The following KIFC3 variants were observed in gnomAD, a reference collection of about 807,000 sequenced individuals.
The protein encoded by KIFC3 is kinesin family member C3, also known as kinesin-like protein KIFC3.
Under a neutral mutation model 101.8 loss-of-function variants are expected in KIFC3, and 60 were observed. That is an observed-to-expected ratio of 0.59 (90% confidence interval 0.48 to 0.73). The LOEUF (loss-of-function observed/expected upper bound fraction) is 0.73, where lower values mean the gene tolerates loss of function less well. Among genes scored for constraint, KIFC3 ranks in the 30% least tolerant of loss-of-function variants. The probability of loss-of-function intolerance (pLI) is 0.00; values close to 1 mark genes in which losing one functional copy is unlikely to be tolerated. For missense variants in KIFC3, 966 were observed against 1,137.1 expected (o/e 0.85, Z 2.16); for synonymous variants, 476 against 482.7 (o/e 0.99, Z 0.18).
chr16:57,765,757 C>G, intron 10 of KIFC3, 117 bp from the exon 11 acceptor site: 1 of 941,182 alleles, frequency 1.1e-6, no homozygotes, highest in Admixed American at 2.7e-5. Context: ...CTTTTAAGCA[C>G]AGCCCCCTAG....
At chr16:57,761,281 G>A in intron 14 of KIFC3, 110 bp from the exon 15 acceptor site, 1 of 1,578,930 alleles carries the variant, frequency 6.3e-7, no homozygotes, top group Non-Finnish European at 8.6e-7. Flanking sequence ...GTTTAGATGA[G>A]GAAACTGAGG....
intron 3 of KIFC3, among the ~76,000 whole-genome samples, chr16:57,777,896 TA>T (rs1555612606): frequency 1.3e-5 from 2 of 152,330 alleles, no homozygotes; most frequent in Non-Finnish European, 2.9e-5. Flanking sequence ...TGGGAAAGGA[TA>T]ATCTTTTCAA....
chr16:57,798,471 G>A (rs74022053), intron 1 of KIFC3, 189 bp from the exon 2 acceptor site: 3 of 609,790 alleles, frequency 4.9e-6, no homozygotes, highest in South Asian at 1.9e-5. Context: ...CTGCCTTTTG[G>A]GGGTATTTGT....
At chr16:57,762,319 C>T (rs563639464) in intron 12 of KIFC3, 49 bp from the exon 13 acceptor site, 50 of 1,463,820 alleles carry the variant, frequency 3.4e-5, no homozygotes, top group African/African-American at 5.6e-5. Context: ...TCCCCAAAGA[C>T]GCTCGTGTGG....
At chr16:57,849,799 A>T (rs1485660760) in intron 1 of KIFC3, among the ~76,000 whole-genome samples, 3 of 152,174 alleles carry the variant, frequency 2.0e-5, no homozygotes, top group Non-Finnish European at 4.4e-5. Context: ...GCTACTTGGG[A>T]GGCTGAGGCA....
At chr16:57,805,712 G>A (rs1057299352), upstream of KIFC3, among the ~76,000 whole-genome samples, 3 of 134,094 alleles carry the variant, frequency 2.2e-5, no homozygotes, top group Non-Finnish European at 4.6e-5. Context: ...GTCTCACTCT[G>A]TTGCCCAGGC....
chr16:57,859,722 A>C (rs1379361421), intron 1 of KIFC3, among the ~76,000 whole-genome samples: 2 of 152,106 alleles, frequency 1.3e-5, no homozygotes, highest in African/African-American at 4.8e-5. Flanking sequence ...ATTCCCCACA[A>C]ACATTTAAAA....
At chr16:57,789,200 G>A (rs1012220236) in intron 3 of KIFC3, among the ~76,000 whole-genome samples, 1 of 152,254 alleles carries the variant, frequency 6.6e-6, no homozygotes, top group Non-Finnish European at 1.5e-5. Context: ...AGGCTGCGCA[G>A]GAGTCCGTCC....
At chr16:57,862,751 G>C (rs757948128) in exon 1 of KIFC3, 2 of 1,289,050 alleles carry the variant, frequency 1.6e-6, no homozygotes, top group African/African-American at 1.5e-5. Context: ...CGGGACACCA[G>C]CCTCCAATCT....
At chr16:57,843,904 T>C (rs2055861701) in intron 1 of KIFC3, among the ~76,000 whole-genome samples, 1 of 151,590 alleles carries the variant, frequency 6.6e-6, no homozygotes, top group African/African-American at 2.4e-5. Context: ...GGTCAGGAGT[T>C]CCAGACCAGC....
At chr16:57,797,451 G>A (rs559324709) in intron 2 of KIFC3, among the ~76,000 whole-genome samples, 106 of 152,298 alleles carry the variant, frequency 7.0e-4, no homozygotes, top group African/African-American at 2.1e-3. Flanking sequence ...TCGCAGCACC[G>A]GGGGACATGA....
chr16:57,814,666 C>T (rs1237836875), intron 1 of KIFC3, among the ~76,000 whole-genome samples: 1 of 151,978 alleles, frequency 6.6e-6, no homozygotes, highest in African/African-American at 2.4e-5. Context: ...TGCTCTGTCA[C>T]CCAGGCTGGA....
At chr16:57,861,543 G>GTATT (rs1959271295) in intron 1 of KIFC3, among the ~76,000 whole-genome samples, 1 of 152,228 alleles carries the variant, frequency 6.6e-6, no homozygotes, top group Non-Finnish European at 1.5e-5. Flanking sequence ...TCCCAAGGAT[G>GTATT]TATTGCAGGT....
chr16:57,837,906 G>T (rs1481169764), intron 1 of KIFC3, among the ~76,000 whole-genome samples: 4 of 152,158 alleles, frequency 2.6e-5, no homozygotes, highest in Non-Finnish European at 4.4e-5. Context: ...TGAGGCTCAA[G>T]TGGAGGGCCA....
Position 57,761,198 on chromosome 16 carries a change from C to G in KIFC3, c.1873-27G>C, listed in dbSNP as rs868978018. Reference sequence around the variant, plus strand: ...TGGGGGATTGGGAGGAGGGCAGAGGCACAGCGTTGAGAATGGGGTCCTCAG... The same window carrying G: ...TGGGGGATTGGGAGGAGGGCAGAGGGACAGCGTTGAGAATGGGGTCCTCAG... On this transcript the variant is annotated intron_variant, in intron 14 of 19. Coordinates refer to ENST00000445690, the MANE Select transcript of KIFC3 (RefSeq NM_001130100.2). 3.1e-6 allele frequency: 5 copies of G among 1,611,626 alleles called. No individual in the cohort carries two copies. In the African/African-American group the frequency reaches 5.3e-5, roughly 17 times the overall value.
chr16:57,783,481 T>C lies in KIFC3; in HGVS notation c.316-11193A>G, dbSNP rs201363060. On this transcript the variant is annotated intron_variant, in intron 3 of 19. Transcript: ENST00000445690. The stretch of plus-strand genomic sequence containing the variant: ...AAGCCCATTTTCTTTTCTTTTTTTT[T>C]TTTTTTTTGAGACAGAGTTTCACTC... Among the ~76,000 whole-genome samples, 824 of 150,642 alleles carry C rather than the reference T, an allele frequency of 5.5e-3. 28 individuals are homozygous for C. Among genetic ancestry groups the C allele is most frequent in the South Asian group, 0.036 (169 of 4,756 alleles).
intron 1 of KIFC3, among the ~76,000 whole-genome samples, chr16:57,822,192 C>T (rs1295797090): frequency 1.3e-5 from 2 of 152,164 alleles, no homozygotes; most frequent in Non-Finnish European, 2.9e-5. Flanking sequence ...GCTTGGAGCA[C>T]CTTTCGGGGC....
chr16:57,763,852 G>C (rs533636417), intron 12 of KIFC3, among the ~76,000 whole-genome samples: 4 of 152,256 alleles, frequency 2.6e-5, no homozygotes, highest in Admixed American at 1.3e-4. Context: ...TCCTGAGAGA[G>C]GTCGGTGGCC....
chr16:57,844,908 A>G (rs765656497), intron 1 of KIFC3, among the ~76,000 whole-genome samples: 6 of 152,236 alleles, frequency 3.9e-5, no homozygotes, highest in Non-Finnish European at 5.9e-5. Context: ...CTTAGAGGAC[A>G]GGATCTTCAG....
Sources: gnomAD v4.1 joint callset for allele counts (sites outside exome capture counted in the v4.1 genomes callset) on GRCh38, gnomAD v4.1.1 for gene constraint, MANE v1.5 for transcripts, NCBI Gene and HGNC (gene_info 2026-07-23, HGNC 2026-07-21) for gene names.